The following HS3ST4 variants were observed in gnomAD, a reference collection of about 807,000 sequenced individuals.
HS3ST4 encodes the protein heparan sulfate glucosamine 3-O-sulfotransferase 4.
In HS3ST4, 17 loss-of-function variants were observed where a neutral mutation model predicts 29.2. The observed-to-expected ratio is 0.58, with a 90% CI of 0.40 to 0.87. The LOEUF (loss-of-function observed/expected upper bound fraction) is 0.87, where lower values mean the gene tolerates loss of function less well. Ranked by LOEUF, HS3ST4 falls within the 40% of genes least tolerant of loss-of-function variation. The probability of loss-of-function intolerance (pLI) is 0.00; values close to 1 mark genes in which losing one functional copy is unlikely to be tolerated. For synonymous variants in HS3ST4, 314 were observed against 285.7 expected (o/e 1.10, Z -1.00); for missense variants, 627 against 634.5 (o/e 0.99, Z 0.13).
chr16:25,809,026 A>G (rs1340354739), intron 1 of HS3ST4, among the ~76,000 whole-genome samples: 2 of 152,170 alleles, frequency 1.3e-5, no homozygotes, highest in African/African-American at 4.8e-5. Context: ...TGTTACAAGC[A>G]TGTTATCTGC....
chr16:25,837,441 G>T (rs1429870335), intron 1 of HS3ST4, among the ~76,000 whole-genome samples: 2 of 152,322 alleles, frequency 1.3e-5, no homozygotes, highest in African/African-American at 4.8e-5. Context: ...AGGAATGAAA[G>T]AATCTTGTTT....
chr16:25,744,826 C>T (rs946917216), intron 1 of HS3ST4, among the ~76,000 whole-genome samples: 7 of 152,294 alleles, frequency 4.6e-5, no homozygotes, highest in African/African-American at 1.7e-4. Context: ...CTCTCTTTGC[C>T]TGCTGCCATC....
chr16:25,699,900 A>G (rs566372722), intron 1 of HS3ST4, among the ~76,000 whole-genome samples: 1 of 152,290 alleles, frequency 6.6e-6, no homozygotes, highest in Admixed American at 6.5e-5. Context: ...CCCTATGTAG[A>G]GCTTGTGACA....
intron 1 of HS3ST4, among the ~76,000 whole-genome samples, chr16:25,697,529 A>G (rs1596546490): frequency 6.6e-6 from 1 of 152,224 alleles, no homozygotes. Flanking sequence ...TACCTTTTCA[A>G]TGTGGCTACT....
At chr16:26,049,228 A>C (rs981667392) in intron 1 of HS3ST4, among the ~76,000 whole-genome samples, 1 of 152,028 alleles carries the variant, frequency 6.6e-6, no homozygotes. Flanking sequence ...AAGTAATGAC[A>C]CATATTAGGA....
intron 1 of HS3ST4, among the ~76,000 whole-genome samples, chr16:26,007,288 G>C (rs1969267393): frequency 6.6e-6 from 1 of 152,102 alleles, no homozygotes; most frequent in Non-Finnish European, 1.5e-5. Context: ...CCCTGCACAG[G>C]CTTCTGGAGG....
rs540220966 is a variant in HS3ST4, at chr16:25,926,134, C to T, written c.735-209478C>T. 7.9e-5 allele frequency among the ~76,000 whole-genome samples: 12 copies of T among 152,282 alleles called. No individual in the cohort carries two copies. The East Asian group carries it at 2.1e-3, about 27-fold the overall frequency. On this transcript the variant is annotated intron_variant, in intron 1 of 1. Transcript: ENST00000331351. ...AATTCCAAGGTTTTTAGAAAATTTACATCGTTGTGCAGCCATCACTACAAT... is the reference window on the plus strand; with the variant it reads ...AATTCCAAGGTTTTTAGAAAATTTATATCGTTGTGCAGCCATCACTACAAT...
chr16:25,760,780 A>G (rs374667275), intron 1 of HS3ST4, among the ~76,000 whole-genome samples: 4 of 152,294 alleles, frequency 2.6e-5, no homozygotes. Context: ...ATATAGTCAC[A>G]TTCTGAGGTA....
chr16:25,889,287 C>G (rs962302081), intron 1 of HS3ST4, among the ~76,000 whole-genome samples: 1 of 152,138 alleles, frequency 6.6e-6, no homozygotes, highest in African/African-American at 2.4e-5. Flanking sequence ...ACTCTGAGCT[C>G]ATCGTTTGCC....
At chr16:25,788,705 TA>T (rs1400419633) in intron 1 of HS3ST4, among the ~76,000 whole-genome samples, 1 of 151,718 alleles carries the variant, frequency 6.6e-6, no homozygotes, top group Non-Finnish European at 1.5e-5. Context: ...CACACTGGGC[TA>T]AATAATTTTT....
intron 1 of HS3ST4, among the ~76,000 whole-genome samples, chr16:25,856,744 C>A (rs1011079866): frequency 6.6e-6 from 1 of 152,182 alleles, no homozygotes; most frequent in East Asian, 1.9e-4. Flanking sequence ...ATGGGTTGGA[C>A]AAGCTTGCTC....
At chr16:26,079,127 A>G (rs1407521654) in intron 1 of HS3ST4, among the ~76,000 whole-genome samples, 3 of 152,144 alleles carry the variant, frequency 2.0e-5, no homozygotes, top group African/African-American at 7.2e-5. Flanking sequence ...TCAACATTTC[A>G]CTCGGTGACA....
intron 1 of HS3ST4, among the ~76,000 whole-genome samples, chr16:26,038,211 T>C (rs918835268): frequency 3.9e-5 from 6 of 152,122 alleles, no homozygotes; most frequent in African/African-American, 9.7e-5. Flanking sequence ...TCTTCCCCGA[T>C]TGCCCCTGTG....
intron 1 of HS3ST4, among the ~76,000 whole-genome samples, chr16:26,092,709 G>A (rs947677078): frequency 1.3e-5 from 2 of 152,160 alleles, no homozygotes; most frequent in African/African-American, 4.8e-5. Flanking sequence ...ATTTCCAACT[G>A]AGGCACCTGG....
intron 1 of HS3ST4, among the ~76,000 whole-genome samples, chr16:26,012,249 T>C (rs931073398): frequency 2.0e-5 from 3 of 152,224 alleles, no homozygotes; most frequent in Non-Finnish European, 4.4e-5. Context: ...TCAATAGAGC[T>C]TCCTGTCAAA....
chr16:25,696,839 ATGCC>A (rs1966301433), intron 1 of HS3ST4, among the ~76,000 whole-genome samples: 1 of 152,084 alleles, frequency 6.6e-6, no homozygotes, highest in Non-Finnish European at 1.5e-5. Flanking sequence ...TGTTTACCGA[ATGCC>A]TGCCATTGTG....
intron 1 of HS3ST4, among the ~76,000 whole-genome samples, chr16:26,079,357 G>A (rs902819921): frequency 1.3e-5 from 2 of 152,194 alleles, no homozygotes; most frequent in African/African-American, 4.8e-5. Context: ...TTTAAAGCTG[G>A]CAGTCAAGGA....
chr16:26,131,341 A>T (rs1329379119), intron 1 of HS3ST4, among the ~76,000 whole-genome samples: 1 of 152,208 alleles, frequency 6.6e-6, no homozygotes, highest in East Asian at 1.9e-4. Context: ...GTGGCTTCTC[A>T]TCACATGAGG....
chr16:25,983,504 C>A (rs1026958088), intron 1 of HS3ST4, among the ~76,000 whole-genome samples: 4 of 152,168 alleles, frequency 2.6e-5, no homozygotes, highest in African/African-American at 9.7e-5. Context: ...TTTGTAGCAA[C>A]CCCATCTTCC....
Sources: allele counts gnomAD v4.1 joint callset (sites outside exome capture counted in the v4.1 genomes callset), GRCh38; gene constraint gnomAD v4.1.1; transcripts MANE v1.5; gene names NCBI Gene and HGNC (gene_info 2026-07-23, HGNC 2026-07-21).